Variants in UTRN observed in about 807,000 individuals in gnomAD.
UTRN encodes the protein dystrophin-related protein 1.
A neutral mutation model predicts 463.9 loss-of-function variants in UTRN; 283 were observed. The observed-to-expected ratio is 0.61, with a 90% CI of 0.55 to 0.67. The LOEUF (loss-of-function observed/expected upper bound fraction) is 0.67. UTRN is among the 30% of genes least tolerant of loss of function. The pLI, the probability that UTRN is intolerant of heterozygous loss-of-function variation, is 0.00. For synonymous variants in UTRN, 1,442 were observed against 1,431.5 expected (o/e 1.01, Z -0.17); for missense variants, 3,922 against 4,084.3 (o/e 0.96, Z 1.08).
intron 2 of UTRN, among the ~76,000 whole-genome samples, chr6:144,397,347 T>C (rs557743531): frequency 6.6e-6 from 1 of 152,266 alleles, no homozygotes; most frequent in South Asian, 2.1e-4. Flanking sequence ...CATAATTGCC[T>C]TCAGTTTTGG....
intron 51 of UTRN, among the ~76,000 whole-genome samples, chr6:144,618,932 A>G (rs1775060597): frequency 6.6e-6 from 1 of 152,152 alleles, no homozygotes; most frequent in South Asian, 2.1e-4. Context: ...TCCTCACATC[A>G]GAATTTATAT....
At chr6:144,721,547 T>G (rs2128709075) in intron 53 of UTRN, among the ~76,000 whole-genome samples, 1 of 152,300 alleles carries the variant, frequency 6.6e-6, no homozygotes, top group Admixed American at 6.5e-5. Context: ...ATCTTCCTAC[T>G]TATTCTAACT....
rs1449842886 is a variant in UTRN, at chr6:144,360,084, TCCCTTCCCTCCCCTC to T, written c.80-43034_80-43020del. Reference sequence around the variant, plus strand: ...TCCCTTCCCTTCCCTTCCCTTCCCTTCCCTTCCCTCCCCTCCCCTCCCCTCCCCCCTTCCTTCCTT... The same window carrying T: ...TCCCTTCCCTTCCCTTCCCTTCCCTTCCCTCCCCTCCCCCCTTCCTTCCTT... On this transcript the variant is annotated intron_variant, in intron 2 of 74. Transcript: ENST00000367545. Among the ~76,000 whole-genome samples the T allele has an allele frequency of 1.8e-3, 161 of 87,838 alleles. 1 individual carries two copies. The highest frequency in any genetic ancestry group is 8.9e-3 in the African/African-American group (141 of 15,838). The allele number at this position is 87,838 out of a possible 152,430, so 57.6% of individuals were successfully genotyped here.
chr6:144,711,332 C>CA (rs147548513), intron 53 of UTRN, among the ~76,000 whole-genome samples: 128 of 145,828 alleles, frequency 8.8e-4, no homozygotes, highest in Admixed American at 8.7e-4. Context: ...AACAAACAAA[C>CA]AAAAAAAAAA....
At chr6:144,311,066 G>A (rs1806227521) in intron 2 of UTRN, among the ~76,000 whole-genome samples, 1 of 152,236 alleles carries the variant, frequency 6.6e-6, no homozygotes, top group South Asian at 2.1e-4. Context: ...ATTTTTAGTT[G>A]GCATGAAAAT....
At position 144,597,111 on chromosome 6, in the gene UTRN, G is replaced by A. The variant is rs565244335; in HGVS notation, c.7479+19823G>A. 1.8e-4 allele frequency among the ~76,000 whole-genome samples: 28 copies of A among 152,154 alleles called. No individual in the cohort carries two copies. The South Asian group carries it at 5.8e-3, about 32-fold the overall frequency. On this transcript the variant is annotated intron_variant, in intron 51 of 74. Coordinates refer to ENST00000367545, the MANE Select transcript of UTRN (RefSeq NM_007124.3). ...AAATTAGCCGGATGTGGTGGCACAT[G>A]CCTGTAGTCCCAGCTACTGGGGAGG...
intron 34 of UTRN, among the ~76,000 whole-genome samples, chr6:144,502,203 C>A (rs1794254558): frequency 6.6e-6 from 1 of 151,624 alleles, no homozygotes; most frequent in South Asian, 2.1e-4. Context: ...CTTAGAAAGA[C>A]CACCTCAACT....
At chr6:144,479,483 A>C (rs1378876961) in intron 25 of UTRN, among the ~76,000 whole-genome samples, 1 of 151,926 alleles carries the variant, frequency 6.6e-6, no homozygotes, top group Admixed American at 6.6e-5. Context: ...TGCTACATTA[A>C]ATTTACTTCA....
rs780384087 is a variant in UTRN at position 144,584,882 on chromosome 6, AT to A, written c.7479+7597del. Reference sequence around the variant, plus strand: ...GTGGATAAGTTTATTCTGGTAAAACATTTATGTTTTTCATGAAAAGGCAATT... The same window carrying A: ...GTGGATAAGTTTATTCTGGTAAAACATTATGTTTTTCATGAAAAGGCAATT... On this transcript the variant is annotated intron_variant, in intron 51 of 74. Coordinates refer to ENST00000367545, the MANE Select transcript of UTRN (RefSeq NM_007124.3). Among the ~76,000 whole-genome samples the A allele has an allele frequency of 8.0e-4, 121 of 152,078 alleles. 1 individual carries two copies. Among genetic ancestry groups the A allele is most frequent in the Non-Finnish European group, 1.4e-3 (95 of 67,960 alleles).
chr6:144,772,844 T>G (rs1794230399), intron 59 of UTRN, among the ~76,000 whole-genome samples: 1 of 152,002 alleles, frequency 6.6e-6, no homozygotes, highest in South Asian at 2.1e-4. Context: ...GGTCCAGCGG[T>G]TTTTTTAAGT....
intron 52 of UTRN, among the ~76,000 whole-genome samples, chr6:144,699,618 A>T (rs1002771407): frequency 2.7e-5 from 4 of 150,404 alleles, no homozygotes; most frequent in African/African-American, 9.7e-5. Context: ...ATGTATAGAG[A>T]TAAAATGAGA....
chr6:144,745,402 T>C (rs1242178105), intron 54 of UTRN, among the ~76,000 whole-genome samples: 1 of 152,198 alleles, frequency 6.6e-6, no homozygotes, highest in Non-Finnish European at 1.5e-5. Flanking sequence ...TAGAAAGTTT[T>C]TGTTTTGTTT....
intron 65 of UTRN, among the ~76,000 whole-genome samples, chr6:144,813,430 G>A (rs563834640): frequency 4.9e-4 from 74 of 152,054 alleles, no homozygotes; most frequent in African/African-American, 1.3e-3. Context: ...CTCGTGATCC[G>A]CCCGCCTCGG....
intron 51 of UTRN, among the ~76,000 whole-genome samples, chr6:144,587,943 T>C (rs1422970972): frequency 6.6e-6 from 1 of 152,122 alleles, no homozygotes; most frequent in East Asian, 1.9e-4. Flanking sequence ...TTGGTTAGAT[T>C]AGTACAGAAA....
chr6:144,753,527 G>T (rs969107864), intron 56 of UTRN, among the ~76,000 whole-genome samples: 4 of 152,128 alleles, frequency 2.6e-5, no homozygotes, highest in Non-Finnish European at 2.9e-5. Flanking sequence ...ACTGAGGTGG[G>T]AGGATCACTT....
intron 51 of UTRN, among the ~76,000 whole-genome samples, chr6:144,662,501 A>T (rs765964299): frequency 3.3e-5 from 5 of 152,218 alleles, no homozygotes; most frequent in Non-Finnish European, 7.3e-5. Context: ...CTTCCTCAGT[A>T]TTAGTAACCT....
chr6:144,850,414 T>C (rs1369851166), intron 74 of UTRN, among the ~76,000 whole-genome samples: 1 of 152,188 alleles, frequency 6.6e-6, no homozygotes, highest in African/African-American at 2.4e-5. Flanking sequence ...TATTTTTTTC[T>C]AATTTCAAAA....
intron 2 of UTRN, among the ~76,000 whole-genome samples, chr6:144,298,449 T>G (rs1057254701): frequency 1.3e-5 from 2 of 152,232 alleles, no homozygotes; most frequent in African/African-American, 4.8e-5. Context: ...ATTAATATCC[T>G]GTGGGGCTCT....
In UTRN at chr6:144,577,232, C is replaced by A. The variant is rs779374488; in HGVS notation, c.7423C>A (p.Arg2475=). 4.3e-6 allele frequency: 7 copies of A among 1,613,910 alleles called. No individual in the cohort carries two copies. The highest frequency in any genetic ancestry group is 1.3e-5 in the African/African-American group (1 of 75,014). ...TVNVLVDASH[R]ENALQDSILA... Reference sequence around the variant, plus strand: ...GAATGTGCTTGTGGATGCCTCTCATCGGGAGAATGCTCTTCAGGATAGTAT... The same window carrying A: ...GAATGTGCTTGTGGATGCCTCTCATAGGGAGAATGCTCTTCAGGATAGTAT... Residue 2475 remains arginine, a synonymous_variant, in exon 51 of 75, where the codon CGG becomes AGG. Coordinates refer to ENST00000367545, the MANE Select transcript of UTRN (RefSeq NM_007124.3).
Sources: allele counts gnomAD v4.1 joint callset (sites outside exome capture counted in the v4.1 genomes callset), GRCh38; gene constraint gnomAD v4.1.1; transcripts MANE v1.5; gene names NCBI Gene and HGNC (gene_info 2026-07-23, HGNC 2026-07-21).